Variants in CDH13 observed in about 807,000 individuals in gnomAD.
CDH13 encodes cadherin 13, also known as cadherin-13.
A neutral mutation model predicts 63.8 loss-of-function variants in CDH13; 24 were observed. The ratio of observed to expected loss-of-function variants is 0.38; its 90% CI spans 0.27 to 0.53. The LOEUF is 0.53. Ranked by LOEUF, CDH13 falls within the 20% of genes least tolerant of loss-of-function variation. The probability of loss-of-function intolerance (pLI) is 0.85; values close to 1 mark genes in which losing one functional copy is unlikely to be tolerated. For missense variants in CDH13, 1,049 were observed against 903.1 expected, an observed-to-expected ratio of 1.16 and a Z score of -2.07; for synonymous variants, 503 against 355.3, an observed-to-expected ratio of 1.42 and a Z score of -4.67.
intron 7 of CDH13, among the ~76,000 whole-genome samples, chr16:83,569,290 A>AT (rs1904351265): frequency 6.6e-6 from 1 of 151,986 alleles, no homozygotes; most frequent in African/African-American, 2.4e-5. Flanking sequence ...AACCAGCTCC[A>AT]CACTGCACTC....
intron 10 of CDH13, among the ~76,000 whole-genome samples, chr16:83,701,861 T>G (rs1906285588): frequency 6.6e-6 from 1 of 152,222 alleles, no homozygotes; most frequent in African/African-American, 2.4e-5. Flanking sequence ...GCTGCCTGGC[T>G]AATGTCTGCG....
At chr16:83,433,416 G>A (rs2072188055) in intron 6 of CDH13, among the ~76,000 whole-genome samples, 1 of 152,204 alleles carries the variant, frequency 6.6e-6, no homozygotes, top group African/African-American at 2.4e-5. Context: ...GCATTTATGT[G>A]AATGTGGGCT....
intron 5 of CDH13, among the ~76,000 whole-genome samples, chr16:83,323,014 C>T (rs905693356): frequency 2.0e-5 from 3 of 151,814 alleles, no homozygotes; most frequent in Non-Finnish European, 4.4e-5. Context: ...TTTGATTGGC[C>T]CCCTACCCTG....
intron 5 of CDH13, among the ~76,000 whole-genome samples, chr16:83,305,807 TAGG>T (rs903750010): frequency 1.3e-5 from 2 of 152,212 alleles, no homozygotes; most frequent in African/African-American, 4.8e-5. Flanking sequence ...AGCTACCTAG[TAGG>T]AGGCCAAACG....
chr16:83,544,780 T>G (rs147383616), intron 7 of CDH13, among the ~76,000 whole-genome samples: 1 of 152,306 alleles, frequency 6.6e-6, no homozygotes, highest in East Asian at 1.9e-4. Flanking sequence ...CCTCACCGTC[T>G]TTGTTTCCTC....
At chr16:83,065,570 T>A (rs2031938079) in intron 3 of CDH13, among the ~76,000 whole-genome samples, 1 of 151,854 alleles carries the variant, frequency 6.6e-6, no homozygotes, top group Non-Finnish European at 1.5e-5. Context: ...CCAGGTGTGG[T>A]GGTGCACGCC....
intron 1 of CDH13, among the ~76,000 whole-genome samples, chr16:82,640,955 G>C (rs1397168442): frequency 6.6e-6 from 1 of 152,190 alleles, no homozygotes; most frequent in Non-Finnish European, 1.5e-5. Context: ...AATAAATAGA[G>C]ACACAGAATT....
chr16:83,509,230 G>C (rs887496272), intron 7 of CDH13, among the ~76,000 whole-genome samples: 13 of 152,210 alleles, frequency 8.5e-5, no homozygotes, highest in African/African-American at 3.1e-4. Context: ...GGCGGCCATG[G>C]AAATGACTCT....
chr16:82,689,443 A>G (rs1408446393), intron 1 of CDH13, among the ~76,000 whole-genome samples: 5 of 152,270 alleles, frequency 3.3e-5, no homozygotes, highest in Non-Finnish European at 5.9e-5. Context: ...CCTTTTACAT[A>G]ACATTGGATT....
intron 4 of CDH13, among the ~76,000 whole-genome samples, chr16:83,201,734 A>G (rs1469359611): frequency 6.9e-6 from 1 of 144,188 alleles, no homozygotes; most frequent in South Asian, 2.1e-4. Flanking sequence ...CGTCTCTAAT[A>G]AAAAAAAATT....
intron 6 of CDH13, among the ~76,000 whole-genome samples, chr16:83,421,671 C>T (rs191001124): frequency 9.2e-5 from 14 of 152,256 alleles, no homozygotes; most frequent in African/African-American, 3.4e-4. Flanking sequence ...ACATGGCCAC[C>T]CCTACTGTTG....
At chr16:83,253,791 A>C (rs1212274091) in intron 5 of CDH13, among the ~76,000 whole-genome samples, 1 of 152,250 alleles carries the variant, frequency 6.6e-6, no homozygotes, top group Non-Finnish European at 1.5e-5. Flanking sequence ...CATTATGTAC[A>C]CACAGCTGCC....
At chr16:82,956,654 T>G (rs1035102914) in intron 2 of CDH13, among the ~76,000 whole-genome samples, 2 of 152,190 alleles carry the variant, frequency 1.3e-5, no homozygotes, top group Admixed American at 6.5e-5. Context: ...CCATCTCTGG[T>G]TTTATCTTTA....
chr16:83,465,549 G>A (rs1352249683), intron 6 of CDH13, among the ~76,000 whole-genome samples: 1 of 152,194 alleles, frequency 6.6e-6, no homozygotes, highest in African/African-American at 2.4e-5. Flanking sequence ...AAAGATTCAA[G>A]TCAATGGAAG....
At chr16:82,811,584 C>T (rs2037447846) in intron 1 of CDH13, among the ~76,000 whole-genome samples, 1 of 152,116 alleles carries the variant, frequency 6.6e-6, no homozygotes, top group African/African-American at 2.4e-5. Flanking sequence ...AATAAGGGTG[C>T]ATTTTTCCAT....
At chr16:82,954,159 C>CT (rs1262184703) in intron 2 of CDH13, 1 of 152,200 alleles carries the variant, frequency 6.6e-6, no homozygotes, top group Non-Finnish European at 1.5e-5. Context: ...TGCCACCCCC[C>CT]TTGGCACGTC....
chr16:83,129,610 C>G (rs1011272677), intron 4 of CDH13, among the ~76,000 whole-genome samples: 1 of 152,180 alleles, frequency 6.6e-6, no homozygotes, highest in African/African-American at 2.4e-5. Context: ...ACTTTGACAC[C>G]AGCTGGGGTA....
At chr16:83,424,005 T>C (rs2071803445) in intron 6 of CDH13, among the ~76,000 whole-genome samples, 2 of 152,072 alleles carry the variant, frequency 1.3e-5, no homozygotes, top group African/African-American at 4.8e-5. Flanking sequence ...AAGAGGGAAA[T>C]CCAACATGGA....
chr16:83,382,164 C>T (rs1457916483), intron 6 of CDH13, among the ~76,000 whole-genome samples: 3 of 152,122 alleles, frequency 2.0e-5, no homozygotes, highest in African/African-American at 7.2e-5. Flanking sequence ...ATACTAATTC[C>T]TCCACCATAG....
Sources: gnomAD v4.1 joint callset for allele counts (sites outside exome capture counted in the v4.1 genomes callset) on GRCh38, gnomAD v4.1.1 for gene constraint, MANE v1.5 for transcripts, NCBI Gene and HGNC (gene_info 2026-07-23, HGNC 2026-07-21) for gene names.